Variants in PTPRG observed in about 807,000 individuals in gnomAD.
The protein encoded by PTPRG is receptor-type tyrosine-protein phosphatase gamma.
A neutral mutation model predicts 165.3 loss-of-function variants in PTPRG; 102 were observed. The observed-to-expected ratio is 0.62, with a 90% confidence interval of 0.53 to 0.73. The LOEUF is 0.73. Ranked by LOEUF, PTPRG falls within the 30% of genes least tolerant of loss-of-function variation. PTPRG has a pLI of 0.00. For synonymous variants in PTPRG, 675 were observed against 669.5 expected, an observed-to-expected ratio of 1.01 and a Z score of -0.13; for missense variants, 1,866 against 1,861.4, an observed-to-expected ratio of 1.00 and a Z score of -0.05.
intron 2 of PTPRG, among the ~76,000 whole-genome samples, chr3:61,907,743 C>A (rs1017608871): frequency 6.6e-6 from 1 of 152,100 alleles, no homozygotes; most frequent in African/African-American, 2.4e-5. Flanking sequence ...AGTGGGACTT[C>A]TTTCTCAATT....
At chr3:62,162,438 A>G (rs547912510) in intron 7 of PTPRG, among the ~76,000 whole-genome samples, 1 of 152,368 alleles carries the variant, frequency 6.6e-6, no homozygotes, top group Non-Finnish European at 1.5e-5. Context: ...TTACTAAATG[A>G]TAAAGACTTC....
intron 5 of PTPRG, among the ~76,000 whole-genome samples, chr3:62,078,740 T>G (rs1317521216): frequency 6.6e-6 from 1 of 152,220 alleles, no homozygotes; most frequent in Admixed American, 6.5e-5. Context: ...GTTGGTACAT[T>G]TATGAACTCT....
intron 1 of PTPRG, among the ~76,000 whole-genome samples, chr3:61,574,078 A>G (rs1180711805): frequency 6.6e-6 from 1 of 151,810 alleles, no homozygotes; most frequent in African/African-American, 2.4e-5. Flanking sequence ...AATTCTGTGA[A>G]TCTGGTGGTC....
chr3:61,668,904 A>G (rs893431952), intron 1 of PTPRG, among the ~76,000 whole-genome samples: 3 of 152,232 alleles, frequency 2.0e-5, no homozygotes, highest in Non-Finnish European at 4.4e-5. Context: ...GAGCCCCAAC[A>G]TAGAGCTTTT....
intron 1 of PTPRG, among the ~76,000 whole-genome samples, chr3:61,584,620 T>G (rs1198093042): frequency 6.6e-6 from 1 of 151,860 alleles, no homozygotes; most frequent in Non-Finnish European, 1.5e-5. Flanking sequence ...CAAAATGCAT[T>G]AATTTTTCAT....
At chr3:62,290,422 T>A (rs916418353) in intron 28 of PTPRG, among the ~76,000 whole-genome samples, 5 of 152,130 alleles carry the variant, frequency 3.3e-5, no homozygotes, top group African/African-American at 1.2e-4. Context: ...TATTTGGACA[T>A]CAGTGTACCA....
At chr3:61,885,174 A>C (rs894050669) in intron 2 of PTPRG, among the ~76,000 whole-genome samples, 1 of 130,898 alleles carries the variant, frequency 7.6e-6, no homozygotes, top group African/African-American at 3.5e-5. Context: ...TCAATTTGTA[A>C]ATTTCATAGA....
Position 62,138,005 on chromosome 3 carries a change from G to A in PTPRG, c.682+5337G>A, listed in dbSNP as rs548370958. Among the ~76,000 whole-genome samples the A allele has an allele frequency of 3.3e-5, 5 of 152,214 alleles. No homozygotes were observed. The South Asian group carries it at 1.0e-3, about 32-fold the overall frequency. On this transcript the variant is annotated intron_variant, in intron 6 of 29. Coordinates refer to ENST00000474889, the MANE Select transcript of PTPRG (RefSeq NM_002841.4). ...TCAGCTTCAATGATTGCTCTCAATT[G>A]GTCATTGTCAACTTATGCTTCTCAT...
chr3:61,994,165 C>G (rs939009727), intron 3 of PTPRG, among the ~76,000 whole-genome samples: 5 of 152,180 alleles, frequency 3.3e-5, no homozygotes, highest in Non-Finnish European at 5.9e-5. Flanking sequence ...GTAATGCATT[C>G]ATCAAGAACA....
intron 2 of PTPRG, among the ~76,000 whole-genome samples, chr3:61,903,801 A>C (rs1198217891): frequency 6.6e-6 from 1 of 152,230 alleles, no homozygotes; most frequent in East Asian, 1.9e-4. Flanking sequence ...ATATTAAACA[A>C]ATTAAGTCAT....
At chr3:61,694,521 T>C (rs1009857548) in intron 1 of PTPRG, among the ~76,000 whole-genome samples, 1 of 152,144 alleles carries the variant, frequency 6.6e-6, no homozygotes, top group African/African-American at 2.4e-5. Flanking sequence ...AAAGTAAAAA[T>C]ACGCATACTT....
intron 1 of PTPRG, among the ~76,000 whole-genome samples, chr3:61,735,030 C>G (rs2032666337): frequency 1.3e-5 from 2 of 152,070 alleles, no homozygotes; most frequent in Non-Finnish European, 2.9e-5. Context: ...GGAAACAAAC[C>G]CCACTTTTTT....
At position 61,989,819 on chromosome 3, in the gene PTPRG, C is replaced by T. The variant is rs561934157; in HGVS notation, c.370+15C>T. The stretch of plus-strand genomic sequence containing the variant: ...AGGGAAAACAGGTAGACAATGGCTT[C>T]TTTATTTGTCCACAGAGCAACAGGA... On this transcript the variant is annotated intron_variant, in intron 3 of 29. Transcript: ENST00000474889. The T allele has an allele frequency of 1.2e-6, 2 of 1,612,904 alleles. No homozygotes were observed. The highest frequency in any genetic ancestry group is 2.2e-5 in the South Asian group (2 of 90,950).
At chr3:61,869,176 T>C (rs1203627337) in intron 2 of PTPRG, among the ~76,000 whole-genome samples, 7 of 152,208 alleles carry the variant, frequency 4.6e-5, no homozygotes, top group Admixed American at 4.6e-4. Flanking sequence ...TGGATTCAAA[T>C]AGGGAGCAGC....
intron 1 of PTPRG, among the ~76,000 whole-genome samples, chr3:61,652,513 G>T (rs3846226): frequency 0.99 from 150,615 of 152,098 alleles, 74,601 homozygotes; most frequent in East Asian, 1. Flanking sequence ...TCATGGACTG[G>T]GCTAGGGTTA....
chr3:62,162,664 T>C (rs1704812856), intron 7 of PTPRG, among the ~76,000 whole-genome samples: 1 of 152,222 alleles, frequency 6.6e-6, no homozygotes. Context: ...ATGTTGCTGA[T>C]GCAGGGTGCC....
chr3:61,670,634 CCTT>C (rs1380784626), intron 1 of PTPRG, among the ~76,000 whole-genome samples: 1 of 152,132 alleles, frequency 6.6e-6, no homozygotes, highest in Non-Finnish European at 1.5e-5. Context: ...GAAATAGAAA[CCTT>C]CTAGAAGGGG....
chr3:62,074,528 A>T (rs1453040174), intron 4 of PTPRG, among the ~76,000 whole-genome samples: 2 of 151,194 alleles, frequency 1.3e-5, no homozygotes, highest in Non-Finnish European at 3.0e-5. Context: ...TTTTGTAGAG[A>T]TGAGGTCTCA....
intron 1 of PTPRG, among the ~76,000 whole-genome samples, chr3:61,612,985 C>T (rs1701214375): frequency 6.6e-6 from 1 of 152,140 alleles, no homozygotes; most frequent in Admixed American, 6.5e-5. Context: ...CCATTCCTTG[C>T]TGTCTGTGCT....
Sources: gnomAD v4.1 joint callset for allele counts (sites outside exome capture counted in the v4.1 genomes callset) on GRCh38, gnomAD v4.1.1 for gene constraint, MANE v1.5 for transcripts, NCBI Gene and HGNC (gene_info 2026-07-23, HGNC 2026-07-21) for gene names.